Variants in PLCH1 observed in about 807,000 individuals in gnomAD.
PLCH1 encodes the protein phospholipase C eta 1, also known as 1-phosphatidylinositol 4,5-bisphosphate phosphodiesterase eta-1.
In PLCH1, 60 loss-of-function variants were observed where a neutral mutation model predicts 126.7. The ratio of observed to expected loss-of-function variants is 0.47; its 90% CI spans 0.38 to 0.59. PLCH1 has a LOEUF of 0.59. PLCH1 is among the 20% of genes least tolerant of loss of function. The pLI is 0.00. For synonymous variants in PLCH1, 719 were observed against 734.9 expected (o/e 0.98, Z 0.35); for missense variants, 1,723 against 2,040.0 (o/e 0.84, Z 2.99).
In PLCH1 at chr3:155,481,104, C is replaced by G. The variant is rs199636539; in HGVS notation, c.4922G>C (p.Gly1641Ala). The G allele has an allele frequency of 1.2e-6, 2 of 1,614,204 alleles. No homozygotes were observed. Among genetic ancestry groups the G allele is most frequent in the East Asian group, 2.2e-5 (1 of 44,876 alleles). ...LKNTKGGGLEGRGIPEGACTA... is the reference protein window; with the variant it reads ...LKNTKGGGLEARGIPEGACTA... The stretch of plus-strand genomic sequence containing the variant: ...GCATGCCCCCTCTGGGATGCCCCGG[C>G]CTTCAAGGCCACCCCCTTTCGTGTT... The change falls in exon 23 of 23, where the codon GGC (glycine) becomes GCC (alanine). Residue 1641 changes from glycine to alanine, a missense_variant. Transcript: ENST00000460012. The surrounding 1 kb of genome is among the most constrained non-coding windows in gnomAD (Gnocchi z 4.2).
At chr3:155,680,607 A>T (rs1454756201) in intron 2 of PLCH1, among the ~76,000 whole-genome samples, 1 of 152,212 alleles carries the variant, frequency 6.6e-6, no homozygotes, top group Non-Finnish European at 1.5e-5. Flanking sequence ...GTTAAGTTGT[A>T]CATTGAGAGC....
At chr3:155,528,555 C>T (rs1196901489) in intron 10 of PLCH1, among the ~76,000 whole-genome samples, 3 of 152,268 alleles carry the variant, frequency 2.0e-5, no homozygotes, top group East Asian at 3.9e-4. Flanking sequence ...GTACACAAGA[C>T]ATTTAAAATG....
chr3:155,537,936 C>T (rs1316480020), intron 10 of PLCH1, among the ~76,000 whole-genome samples: 1 of 152,070 alleles, frequency 6.6e-6, no homozygotes, highest in Non-Finnish European at 1.5e-5. Context: ...CCAACAACTG[C>T]AGAATATATA....
At chr3:155,687,789 A>T (rs1266118565) in intron 2 of PLCH1, among the ~76,000 whole-genome samples, 1 of 152,176 alleles carries the variant, frequency 6.6e-6, no homozygotes, top group Admixed American at 6.5e-5. Context: ...GGATCGGAAC[A>T]CTATTATTTT....
chr3:155,639,715 C>T (rs932751341), intron 2 of PLCH1, among the ~76,000 whole-genome samples: 5 of 152,180 alleles, frequency 3.3e-5, no homozygotes, highest in East Asian at 1.9e-4. Context: ...TTCACTTTCC[C>T]GGGAACTGGA....
intron 6 of PLCH1, among the ~76,000 whole-genome samples, chr3:155,575,045 C>T (rs1337392612): frequency 6.6e-6 from 1 of 151,902 alleles, no homozygotes; most frequent in East Asian, 1.9e-4. Context: ...GCAGGAGAAT[C>T]GCTTGAACCC....
intron 10 of PLCH1, among the ~76,000 whole-genome samples, chr3:155,547,970 C>G (rs1725603250): frequency 6.6e-6 from 1 of 151,424 alleles, no homozygotes; most frequent in Non-Finnish European, 1.5e-5. Context: ...AGCACACCAG[C>G]ATGGCACATG....
At chr3:155,620,681 A>T (rs751998575) in intron 2 of PLCH1, among the ~76,000 whole-genome samples, 1 of 152,190 alleles carries the variant, frequency 6.6e-6, no homozygotes, top group Non-Finnish European at 1.5e-5. Context: ...GCAGCTCAGC[A>T]AGGCCACTGC....
chr3:155,658,774 A>G (rs1432004429), intron 2 of PLCH1, among the ~76,000 whole-genome samples: 1 of 152,236 alleles, frequency 6.6e-6, no homozygotes, highest in Non-Finnish European at 1.5e-5. Context: ...AAGTTAACTC[A>G]ATGGTCAAAT....
chr3:155,662,614 A>T (rs1248614053), intron 2 of PLCH1, among the ~76,000 whole-genome samples: 1 of 152,050 alleles, frequency 6.6e-6, no homozygotes. Context: ...CCCCAGTGGG[A>T]TCTCTAAATT....
intron 10 of PLCH1, among the ~76,000 whole-genome samples, chr3:155,545,553 C>T (rs891964058): frequency 6.6e-5 from 10 of 151,928 alleles, no homozygotes; most frequent in African/African-American, 1.2e-4. Context: ...CCAGCATCAT[C>T]CTGATACCAA....
At chr3:155,484,072 T>C (rs1430588603) in intron 22 of PLCH1, among the ~76,000 whole-genome samples, 1 of 152,208 alleles carries the variant, frequency 6.6e-6, no homozygotes, top group Non-Finnish European at 1.5e-5. Flanking sequence ...CAGAATAATA[T>C]ATAGAATTTT....
chr3:155,572,544 G>A (rs1046673973), intron 6 of PLCH1, among the ~76,000 whole-genome samples: 5 of 152,178 alleles, frequency 3.3e-5, no homozygotes, highest in South Asian at 4.2e-4. Flanking sequence ...GTTGGCCCTC[G>A]TTTGGGTTTG....
intron 21 of PLCH1, among the ~76,000 whole-genome samples, chr3:155,471,364 C>G (rs955679329): frequency 7.2e-5 from 11 of 152,008 alleles, no homozygotes; most frequent in Non-Finnish European, 1.6e-4. Context: ...ATCAATTCAA[C>G]AAGAAGAGCT....
At chr3:155,455,201 T>C (rs942584393) in intron 21 of PLCH1, among the ~76,000 whole-genome samples, 2 of 150,356 alleles carry the variant, frequency 1.3e-5, no homozygotes, top group Non-Finnish European at 3.0e-5. Context: ...GGGAAGGGGG[T>C]GGTGAGAAGG....
intron 15 of PLCH1, among the ~76,000 whole-genome samples, chr3:155,495,219 AAAGT>A (rs1476865489): frequency 2.0e-5 from 3 of 152,140 alleles, no homozygotes; most frequent in Non-Finnish European, 4.4e-5. Flanking sequence ...AAGGAAGGTA[AAAGT>A]ACATGAAGCC....
chr3:155,593,710 T>C (rs1732503369), intron 4 of PLCH1, among the ~76,000 whole-genome samples: 1 of 152,186 alleles, frequency 6.6e-6, no homozygotes, highest in South Asian at 2.1e-4. Context: ...AGATTCGGTC[T>C]CTTTAAAGAA....
At chr3:155,535,530 C>T (rs929180036) in intron 10 of PLCH1, among the ~76,000 whole-genome samples, 26 of 152,124 alleles carry the variant, frequency 1.7e-4, no homozygotes, top group African/African-American at 5.3e-4. Flanking sequence ...TCCCTGGTGA[C>T]CTGTATGATG....
At chr3:155,584,860 T>A (rs1408603344) in intron 5 of PLCH1, among the ~76,000 whole-genome samples, 1 of 152,134 alleles carries the variant, frequency 6.6e-6, no homozygotes, top group Non-Finnish European at 1.5e-5. Context: ...CCCTTTAGGA[T>A]TGGCCTCTTA....
Sources: gnomAD v4.1 joint callset for allele counts (sites outside exome capture counted in the v4.1 genomes callset) on GRCh38, gnomAD v4.1.1 for gene constraint, Gnocchi (gnomAD v3.1) non-coding constraint, MANE v1.5 for transcripts, NCBI Gene and HGNC (gene_info 2026-07-23, HGNC 2026-07-21) for gene names.